The following OPCML variants were observed in gnomAD, a reference collection of about 807,000 sequenced individuals.
OPCML encodes the protein opioid binding protein/cell adhesion molecule like, also known as opioid-binding protein/cell adhesion molecule.
OPCML carries 13 observed loss-of-function variants against 37.8 expected under a neutral mutation model. The observed-to-expected ratio is 0.34, with a 90% CI of 0.22 to 0.55. OPCML has a LOEUF of 0.55. Ranked by LOEUF, OPCML falls within the 20% of genes least tolerant of loss-of-function variation. The pLI is 0.91. For synonymous variants in OPCML, 176 were observed against 168.8 expected, an observed-to-expected ratio of 1.04 and a Z score of -0.33; for missense variants, 341 against 435.6, an observed-to-expected ratio of 0.78 and a Z score of 1.93.
intron 3 of OPCML, among the ~76,000 whole-genome samples, chr11:132,620,871 A>G (rs938558205): frequency 1.3e-5 from 2 of 152,200 alleles, no homozygotes; most frequent in African/African-American, 4.8e-5. Context: ...CTGAAGAATC[A>G]CATTTCATCT....
At chr11:133,186,494 A>T (rs1306812517) in intron 1 of OPCML, among the ~76,000 whole-genome samples, 1 of 145,776 alleles carries the variant, frequency 6.9e-6, no homozygotes, top group African/African-American at 2.6e-5. Context: ...GAGATGAGAG[A>T]GTAGAAAAAA....
At chr11:132,996,786 G>A (rs906583846) in intron 1 of OPCML, among the ~76,000 whole-genome samples, 4 of 152,094 alleles carry the variant, frequency 2.6e-5, no homozygotes, top group African/African-American at 9.7e-5. Context: ...CACCTCTAAG[G>A]CCAGTCAAAA....
chr11:132,809,508 T>A (rs1939206159), intron 2 of OPCML, among the ~76,000 whole-genome samples: 1 of 152,172 alleles, frequency 6.6e-6, no homozygotes, highest in Non-Finnish European at 1.5e-5. Context: ...TTTTTAATGT[T>A]CCTTACTATA....
chr11:132,435,282 T>G (rs2096009246), intron 7 of OPCML: 2 of 1,284,390 alleles, frequency 1.6e-6, no homozygotes, highest in South Asian at 2.5e-5. Context: ...GTTTACTTAA[T>G]GTCAGTGCTG....
intron 7 of OPCML, among the ~76,000 whole-genome samples, chr11:132,428,564 A>G (rs1317948328): frequency 6.6e-6 from 1 of 152,170 alleles, no homozygotes; most frequent in Admixed American, 6.5e-5. Context: ...GTATGCACTC[A>G]TCAGGCAGAG....
rs138646618 is a variant in OPCML at position 133,222,791 on chromosome 11, G to A, written c.62-279781C>T. Among the ~76,000 whole-genome samples, 12 of 151,942 alleles carry A rather than the reference G, an allele frequency of 7.9e-5. No homozygotes were observed. In the East Asian group the frequency reaches 1.2e-3, roughly 15 times the overall value. On this transcript the variant is annotated intron_variant, in intron 1 of 7. Coordinates refer to ENST00000524381, the MANE Select transcript of OPCML (RefSeq NM_001012393.5). ...GAGGAGAGAATTAAAATGGACATGCGTGGAGGTGGGGGGAGCAAAGGGGGG... is the reference window on the plus strand; with the variant it reads ...GAGGAGAGAATTAAAATGGACATGCATGGAGGTGGGGGGAGCAAAGGGGGG...
chr11:133,024,941 A>G, intron 1 of OPCML: 2 of 985,442 alleles, frequency 2.0e-6, no homozygotes, highest in African/African-American at 1.7e-5. Flanking sequence ...GAATTCCTGA[A>G]CCAATGCGCA....
Position 132,945,288 on chromosome 11 carries a change from G to C in OPCML, c.62-2278C>G, listed in dbSNP as rs370627905. 6.6e-5 allele frequency among the ~76,000 whole-genome samples: 10 copies of C among 152,316 alleles called. No individual in the cohort carries two copies. In the East Asian group the frequency reaches 1.7e-3, roughly 26 times the overall value. ...GATGACACAGCCTACTACACACCTA[G>C]GCTGTATGGTAGAGCCTATTGCTCC... On this transcript the variant is annotated intron_variant, in intron 1 of 7. Coordinates refer to ENST00000524381, the MANE Select transcript of OPCML (RefSeq NM_001012393.5).
intron 3 of OPCML, among the ~76,000 whole-genome samples, chr11:132,557,415 G>T (rs1289133409): frequency 1.3e-5 from 2 of 152,170 alleles, no homozygotes; most frequent in Non-Finnish European, 2.9e-5. Flanking sequence ...TAACCCTGCA[G>T]TTGGAAGGGG....
chr11:132,875,041 G>T (rs550374382), intron 2 of OPCML, among the ~76,000 whole-genome samples: 2 of 152,194 alleles, frequency 1.3e-5, no homozygotes, highest in Admixed American at 6.5e-5. Context: ...TATAATCTAC[G>T]CAAGTTTTTA....
chr11:132,681,518 C>G (rs1269524630), intron 2 of OPCML, among the ~76,000 whole-genome samples: 1 of 152,134 alleles, frequency 6.6e-6, no homozygotes, highest in Non-Finnish European at 1.5e-5. Context: ...CCTTCCTGCT[C>G]CATCTCCTCT....
intron 1 of OPCML, among the ~76,000 whole-genome samples, chr11:133,458,583 A>G (rs1268848786): frequency 1.9e-5 from 2 of 106,884 alleles, no homozygotes; most frequent in Admixed American, 8.3e-5. Flanking sequence ...ACGTGTGTGT[A>G]CACATATATA....
intron 2 of OPCML, among the ~76,000 whole-genome samples, chr11:132,740,117 G>A (rs1945389704): frequency 6.6e-6 from 1 of 152,222 alleles, no homozygotes; most frequent in Non-Finnish European, 1.5e-5. Context: ...AAAGGGAGAA[G>A]CAGGTGTCGA....
intron 4 of OPCML, among the ~76,000 whole-genome samples, chr11:132,456,388 G>A (rs900533627): frequency 3.5e-4 from 53 of 152,246 alleles, no homozygotes; most frequent in African/African-American, 9.9e-4. Flanking sequence ...AGGTCACACC[G>A]GGCAGGAAAT....
chr11:133,218,163 G>T (rs959850476), intron 1 of OPCML, among the ~76,000 whole-genome samples: 6 of 152,064 alleles, frequency 3.9e-5, no homozygotes, highest in Admixed American at 3.9e-4. Flanking sequence ...TTATTTGATT[G>T]CTGGTTGAGA....
intron 2 of OPCML, among the ~76,000 whole-genome samples, chr11:132,818,593 A>G (rs1939768962): frequency 9.6e-6 from 1 of 103,978 alleles, no homozygotes; most frequent in African/African-American, 3.3e-5. Context: ...TCTCTTAGAT[A>G]GATAGATAGA....
intron 7 of OPCML, among the ~76,000 whole-genome samples, chr11:132,428,122 G>A (rs1296637571): frequency 6.6e-6 from 1 of 152,226 alleles, no homozygotes; most frequent in African/African-American, 2.4e-5. Flanking sequence ...ATTGGAATAT[G>A]TGGTATAGCC....
At chr11:132,705,765 T>C (rs1164759981) in intron 2 of OPCML, among the ~76,000 whole-genome samples, 1 of 152,128 alleles carries the variant, frequency 6.6e-6, no homozygotes, top group East Asian at 1.9e-4. Context: ...CCTGCAGAAC[T>C]GTGAACCTAT....
intron 1 of OPCML, among the ~76,000 whole-genome samples, chr11:133,096,839 G>T (rs781682502): frequency 6.6e-6 from 1 of 152,024 alleles, no homozygotes; most frequent in Non-Finnish European, 1.5e-5. Flanking sequence ...ATTCCAAGAC[G>T]ACACAGCAAT....
Sources: allele counts gnomAD v4.1 joint callset (sites outside exome capture counted in the v4.1 genomes callset), GRCh38; gene constraint gnomAD v4.1.1; transcripts MANE v1.5; gene names NCBI Gene and HGNC (gene_info 2026-07-23, HGNC 2026-07-21).